The following RBFOX3 variants were observed in gnomAD, a reference collection of about 807,000 sequenced individuals.
RBFOX3 encodes RNA binding protein fox-1 homolog 3.
Under a neutral mutation model 48.7 loss-of-function variants are expected in RBFOX3, and 17 were observed. The ratio of observed to expected loss-of-function variants is 0.35; its 90% CI spans 0.24 to 0.52. RBFOX3 has a LOEUF of 0.52. RBFOX3 is among the 20% of genes least tolerant of loss of function. The pLI is 0.94. For synonymous variants in RBFOX3, 212 were observed against 209.5 expected (o/e 1.01, Z -0.10); for missense variants, 382 against 497.5 (o/e 0.77, Z 2.21).
intron 2 of RBFOX3, among the ~76,000 whole-genome samples, chr17:79,341,247 T>A (rs1220900871): frequency 6.6e-6 from 1 of 152,148 alleles, no homozygotes; most frequent in African/African-American, 2.4e-5. Flanking sequence ...CAGGTGTGTG[T>A]GTACATGTGT....
chr17:79,467,664 T>C (rs1266888810), intron 2 of RBFOX3, among the ~76,000 whole-genome samples: 3 of 152,168 alleles, frequency 2.0e-5, no homozygotes, highest in African/African-American at 7.2e-5. Context: ...GCTTAGGGCC[T>C]CCGGCTTCCA....
At chr17:79,148,555 G>A (rs1030340072) in intron 4 of RBFOX3, among the ~76,000 whole-genome samples, 2 of 152,158 alleles carry the variant, frequency 1.3e-5, no homozygotes, top group Non-Finnish European at 2.9e-5. Flanking sequence ...AGTGCCTCCC[G>A]AAGGCCACTG....
In RBFOX3 at chr17:79,103,308, AAAGAGGAGGAAGACGAGGAAG is replaced by A; in HGVS notation, c.415-75_415-55del. ...CACGGAGAGGAGGACACAGGGCGAG[AAAGAGGAGGAAGACGAGGAAG>A]AAGAGGAGTGGGAGGGGGGCAGGGG... On this transcript the variant is annotated intron_variant, in intron 7 of 14. Transcript: ENST00000693108. This position sits in a 1 kb window ranked among gnomAD's most constrained non-coding sequence, Gnocchi z 6.1. 1 of 1,241,650 alleles carries A rather than the reference AAAGAGGAGGAAGACGAGGAAG, an allele frequency of 8.1e-7. No individual in the cohort carries two copies. The highest frequency in any genetic ancestry group is 1.2e-6 in the Non-Finnish European group (1 of 866,192). 76.9% of individuals were successfully genotyped at this position (1,241,650 alleles called of 1,614,324 possible). A position where few individuals can be genotyped will look rare whatever the true frequency, so the allele number is the denominator to read the frequency against.
At chr17:79,196,239 G>A (rs1028579395) in intron 4 of RBFOX3, among the ~76,000 whole-genome samples, 3 of 152,066 alleles carry the variant, frequency 2.0e-5, no homozygotes, top group Admixed American at 1.3e-4. Flanking sequence ...CTGTAGTCCC[G>A]CATCTCCTAC....
chr17:79,541,015 C>T (rs186662171), intron 1 of RBFOX3, among the ~76,000 whole-genome samples: 13 of 152,246 alleles, frequency 8.5e-5, no homozygotes, highest in African/African-American at 2.4e-4. Flanking sequence ...GAGTGCTTGT[C>T]GAGCCTCAGC....
chr17:79,337,702 T>C (rs12938455), intron 2 of RBFOX3, among the ~76,000 whole-genome samples: 126,625 of 152,124 alleles, frequency 0.83, 53,085 homozygotes, highest in Non-Finnish European at 0.89. Flanking sequence ...GCTGAACCCG[T>C]GAGGCAGAGG....
chr17:79,630,300 C>G, the RBFOX3 span, among the ~76,000 whole-genome samples: 1 of 152,230 alleles, frequency 6.6e-6, no homozygotes, highest in Admixed American at 6.5e-5. Flanking sequence ...GCAGCACCTC[C>G]GTGCCCAGAC....
intron 2 of RBFOX3, among the ~76,000 whole-genome samples, chr17:79,464,747 G>A (rs1347098811): frequency 2.0e-5 from 3 of 152,260 alleles, no homozygotes; most frequent in Admixed American, 6.5e-5. Context: ...AGTGCAGGGT[G>A]CCAGGCACAC....
intron 3 of RBFOX3, among the ~76,000 whole-genome samples, chr17:79,304,501 T>C (rs1023834728): frequency 9.3e-5 from 14 of 150,648 alleles, no homozygotes; most frequent in South Asian, 4.3e-4. Flanking sequence ...CATACTCTTA[T>C]GTGTTAAAAA....
At chr17:79,658,274 T>C in the RBFOX3 span, among the ~76,000 whole-genome samples, 1 of 148,888 alleles carries the variant, frequency 6.7e-6, no homozygotes, top group African/African-American at 2.5e-5. Context: ...CCTCCCTCCC[T>C]GTCTCCTCCT....
intron 2 of RBFOX3, among the ~76,000 whole-genome samples, chr17:79,377,737 T>A (rs961599116): frequency 6.6e-6 from 1 of 152,076 alleles, no homozygotes; most frequent in African/African-American, 2.4e-5. Flanking sequence ...CTGCCCTGCA[T>A]CCCTTTGGAA....
chr17:79,463,461 T>TCGC (rs2075788581), intron 2 of RBFOX3, among the ~76,000 whole-genome samples: 4 of 66,182 alleles, frequency 6.0e-5, no homozygotes, highest in Non-Finnish European at 6.1e-5. Flanking sequence ...TCCACCGCCA[T>TCGC]CACCACTGCC....
chr17:79,612,632 C>G (rs1345688944), upstream of RBFOX3, among the ~76,000 whole-genome samples: 1 of 152,254 alleles, frequency 6.6e-6, no homozygotes, highest in Non-Finnish European at 1.5e-5. Context: ...TACAGCTAAA[C>G]AGCCCCACAG....
intron 1 of RBFOX3, among the ~76,000 whole-genome samples, chr17:79,574,769 T>C (rs2092801558): frequency 6.6e-6 from 1 of 152,210 alleles, no homozygotes. Context: ...ACAGGTTCGC[T>C]GAGTGAGAGC....
chr17:79,169,812 G>A (rs4789951), intron 4 of RBFOX3, among the ~76,000 whole-genome samples: 51,376 of 152,010 alleles, frequency 0.34, 9,425 homozygotes, highest in East Asian at 0.54. Flanking sequence ...GCTGCACAAC[G>A]CTGAGAATAT....
chr17:79,412,759 G>A (rs931317233), intron 2 of RBFOX3, among the ~76,000 whole-genome samples: 9 of 151,798 alleles, frequency 5.9e-5, no homozygotes, highest in Admixed American at 1.3e-4. Context: ...GTGTATCCAC[G>A]TGTTGTGATG....
intron 4 of RBFOX3, among the ~76,000 whole-genome samples, chr17:79,208,901 T>C (rs1010996413): frequency 1.3e-5 from 2 of 152,122 alleles, no homozygotes; most frequent in South Asian, 2.1e-4. Context: ...CTGCAAGCTC[T>C]GCCTCCCGGG....
intron 1 of RBFOX3, among the ~76,000 whole-genome samples, chr17:79,560,657 C>T (rs1440738384): frequency 6.6e-6 from 1 of 152,124 alleles, no homozygotes; most frequent in African/African-American, 2.4e-5. Context: ...CCAGTGCTGT[C>T]ACAGCAACCT....
chr17:79,621,332 C>T, the RBFOX3 span, among the ~76,000 whole-genome samples: 1 of 152,146 alleles, frequency 6.6e-6, no homozygotes, highest in Non-Finnish European at 1.5e-5. Context: ...AAAGTTGAAA[C>T]CCAGCACCGA....
Sources: gnomAD v4.1 joint callset for allele counts (sites outside exome capture counted in the v4.1 genomes callset) on GRCh38, gnomAD v4.1.1 for gene constraint, Gnocchi (gnomAD v3.1) non-coding constraint, MANE v1.5 for transcripts, NCBI Gene and HGNC (gene_info 2026-07-23, HGNC 2026-07-21) for gene names.